SASS6: variants seen among roughly 807,000 people sequenced by gnomAD.
SASS6 encodes spindle assembly abnormal protein 6 homolog.
Under a neutral mutation model 94.9 loss-of-function variants are expected in SASS6, and 59 were observed. That is an observed-to-expected ratio of 0.62 (90% confidence interval 0.50 to 0.77). The LOEUF (loss-of-function observed/expected upper bound fraction) is 0.77, where lower values mean the gene tolerates loss of function less well. Among genes scored for constraint, SASS6 ranks in the 30% least tolerant of loss-of-function variants. SASS6 has a pLI of 0.00. For synonymous variants in SASS6, 264 were observed against 270.0 expected, an observed-to-expected ratio of 0.98 and a Z score of 0.22; for missense variants, 698 against 734.1, an observed-to-expected ratio of 0.95 and a Z score of 0.57.
intron 4 of SASS6, 126 bp from the exon 5 acceptor site, chr1:100,121,675 A>T (rs773956659): frequency 8.7e-6 from 5 of 577,446 alleles, no homozygotes; most frequent in Non-Finnish European, 1.5e-5. Flanking sequence ...CAATGGTAAA[A>T]GATAAATTGG....
In SASS6 at chr1:100,083,634, CTT is replaced by C. The variant is rs556898050; in HGVS notation, c.*1692_*1693del. ...TACAGAAATAACATTAAATGCAACACTTTTTGATTATTAACACATGTACAATT... is the reference window on the plus strand; with the variant it reads ...TACAGAAATAACATTAAATGCAACACTTTGATTATTAACACATGTACAATT... On this transcript the variant is annotated 3_prime_UTR_variant, in exon 17 of 17. Transcript: ENST00000287482. 3.9e-5 allele frequency: 6 copies of C among 152,134 alleles called. No homozygotes were observed. In the South Asian group the frequency reaches 1.2e-3, roughly 32 times the overall value. The allele number at this position is 152,134 out of a possible 1,614,324, so 9.4% of individuals were successfully genotyped here. A position where few individuals can be genotyped will look rare whatever the true frequency, so the allele number is the denominator to read the frequency against.
chr1:100,129,709 G>A (rs1654864520), intron 1 of SASS6, among the ~76,000 whole-genome samples: 1 of 152,330 alleles, frequency 6.6e-6, no homozygotes, highest in East Asian at 1.9e-4. Flanking sequence ...AGGGGTAATA[G>A]TATAGAATGA....
chr1:100,093,912 C>T (rs1228173746), intron 14 of SASS6, among the ~76,000 whole-genome samples: 1 of 151,964 alleles, frequency 6.6e-6, no homozygotes, highest in Non-Finnish European at 1.5e-5. Context: ...TAAATCAGAA[C>T]ATAATCTTCT....
intron 7 of SASS6, among the ~76,000 whole-genome samples, chr1:100,113,638 T>A (rs1188536212): frequency 5.8e-4 from 67 of 116,514 alleles, no homozygotes; most frequent in South Asian, 1.1e-3. Context: ...AAAAAGAAAA[T>A]CAAGCCAAAA....
In SASS6 at chr1:100,121,289, A is replaced by G. The variant is rs537904173; in HGVS notation, c.483+89T>C. 3.8e-5 allele frequency: 28 copies of G among 746,400 alleles called. No homozygotes were observed. The South Asian group carries it at 5.5e-4, about 15-fold the overall frequency. 46.2% of individuals were successfully genotyped at this position (746,400 alleles called of 1,614,324 possible). ...TTCATAAAACTTTATTTAGAAAACA[A>G]AAACTTATGGCAATGTATCTCTTCA... On this transcript the variant is annotated intron_variant, in intron 5 of 16. Transcript: ENST00000287482.
rs1163540411 is a variant in SASS6, at chr1:100,085,565, C to A, written c.1838G>T (p.Gly613Val). The A allele has an allele frequency of 6.2e-7, 1 of 1,613,208 alleles. No homozygotes were observed. Among genetic ancestry groups the A allele is most frequent in the East Asian group, 2.2e-5 (1 of 44,850 alleles). The part of the protein sequence containing the change: ...KKREDSIPLR[G>V]LSQNLFSNSD... The stretch of plus-strand genomic sequence containing the variant: ...ATTACTAAATAGGTTCTGGCTGAGT[C>A]CGCGTAAAGGAATGCTATCTTCCCT... The change falls in exon 16 of 17, where the codon GGA becomes GTA. Residue 613 changes from glycine (G) to valine (V), a missense_variant. Transcript: ENST00000287482.
Position 100,121,548 on chromosome 1 carries a change from A to C in SASS6, c.313T>G (p.Phe105Val), listed in dbSNP as rs1654198910. Residue 105 changes from phenylalanine to valine, a missense_variant and splice_region_variant, in exon 5 of 17, where the codon TTT becomes GTT. Transcript: ENST00000287482. ...TQEHAKEIPR[F>V]LLQLVSPAAI... Reference sequence around the variant, plus strand: ...GCTGGAGAAACTAACTGTAGCAAAAACCTTTGAAAAGAAAATGTTACATTA... The same window carrying C: ...GCTGGAGAAACTAACTGTAGCAAAACCCTTTGAAAAGAAAATGTTACATTA... 1 of 1,555,784 alleles carries C rather than the reference A, an allele frequency of 6.4e-7. No individual in the cohort carries two copies. Among genetic ancestry groups the C allele is most frequent in the African/African-American group, 1.4e-5 (1 of 72,942 alleles).
At chr1:100,122,611 G>T in intron 3 of SASS6, 127 bp from the exon 4 acceptor site, 1 of 400,066 alleles carries the variant, frequency 2.5e-6, no homozygotes, top group South Asian at 3.2e-5. Flanking sequence ...GGAGTGCAGT[G>T]GTGCAATCTT....
At position 100,086,866 on chromosome 1, in the gene SASS6, A is replaced by C. The variant is rs562862041; in HGVS notation, c.1773-1236T>G. ...TGGCCTATGATGAATTAAATATATCAAACATTATGATATTCTACCATTAAC... is the reference window on the plus strand; with the variant it reads ...TGGCCTATGATGAATTAAATATATCCAACATTATGATATTCTACCATTAAC... On this transcript the variant is annotated intron_variant, in intron 15 of 16. Coordinates refer to ENST00000287482, the MANE Select transcript of SASS6 (RefSeq NM_194292.3). Among the ~76,000 whole-genome samples the C allele has an allele frequency of 2.6e-5, 4 of 152,234 alleles. No homozygotes were observed. In the South Asian group the frequency reaches 8.3e-4, roughly 32 times the overall value.
intron 1 of SASS6, among the ~76,000 whole-genome samples, chr1:100,127,630 C>T (rs896301215): frequency 2.0e-5 from 3 of 152,192 alleles, no homozygotes; most frequent in African/African-American, 7.2e-5. Flanking sequence ...TACACTGTTG[C>T]TATTTTTCTA....
chr1:100,102,517 A>G (rs1481347507), intron 14 of SASS6, among the ~76,000 whole-genome samples: 4 of 152,076 alleles, frequency 2.6e-5, no homozygotes, highest in African/African-American at 9.7e-5. Flanking sequence ...CCTCTACTAA[A>G]ATTGCAAAAA....
chr1:100,102,397 C>T (rs564868215), intron 14 of SASS6, among the ~76,000 whole-genome samples: 2 of 152,208 alleles, frequency 1.3e-5, no homozygotes, highest in Admixed American at 1.3e-4. Context: ...GAAAGGCTGG[C>T]CGGGCGTGGT....
Position 100,107,077 on chromosome 1 carries a change from AT to A in SASS6, c.1327-85del, listed in dbSNP as rs1325685242. On this transcript the variant is annotated intron_variant, in intron 11 of 16. Coordinates refer to ENST00000287482, the MANE Select transcript of SASS6 (RefSeq NM_194292.3). ...AGAATGTATTATTATTAACTAAATA[AT>A]TACATAAATGGTTACTACTACTATT... The A allele has an allele frequency of 2.2e-5, 14 of 643,014 alleles. No homozygotes were observed. In the East Asian group the frequency reaches 3.9e-4, roughly 18 times the overall value. The allele number at this position is 643,014 out of a possible 1,614,324, so 39.8% of individuals were successfully genotyped here.
chr1:100,120,762 G>A (rs986231513), intron 5 of SASS6, among the ~76,000 whole-genome samples: 1 of 152,150 alleles, frequency 6.6e-6, no homozygotes, highest in African/African-American at 2.4e-5. Flanking sequence ...CATTAAAGAT[G>A]GGCTAGGGCC....
At chr1:100,121,893 T>C (rs900998617) in intron 4 of SASS6, among the ~76,000 whole-genome samples, 1 of 152,216 alleles carries the variant, frequency 6.6e-6, no homozygotes, top group Non-Finnish European at 1.5e-5. Context: ...AGTAATCAAA[T>C]AGCCCTAATT....
chr1:100,125,897 AT>A lies in SASS6; in HGVS notation c.110del (p.Asn37IlefsTer8). On this transcript the variant is annotated frameshift_variant, in exon 2 of 17. Coordinates refer to ENST00000287482, the MANE Select transcript of SASS6 (RefSeq NM_194292.3). LOFTEE classifies it high-confidence loss of function. ...AAATACCAACCTTTCTGTGAACTGGATTAGAAACTGATTGTAGTTCAATGCT... is the reference window on the plus strand; with the variant it reads ...AAATACCAACCTTTCTGTGAACTGGATAGAAACTGATTGTAGTTCAATGCT... ...RMSIELQSVSNPVHRKDLVIR... is the reference protein window; with the variant it reads ...RMSIELQSVSXPVHRKDLVIR... 6.5e-7 allele frequency: 1 copy of A among 1,548,674 alleles called. No individual in the cohort carries two copies. The highest frequency in any genetic ancestry group is 8.9e-7 in the Non-Finnish European group (1 of 1,129,920).
intron 1 of SASS6, among the ~76,000 whole-genome samples, chr1:100,129,312 T>C (rs1570714845): frequency 1.3e-5 from 2 of 152,170 alleles, no homozygotes; most frequent in East Asian, 3.9e-4. Flanking sequence ...ATGGTCTCTG[T>C]CCTCAAATTG....
intron 1 of SASS6, among the ~76,000 whole-genome samples, chr1:100,132,199 G>A (rs1655100853): frequency 6.6e-6 from 1 of 152,208 alleles, no homozygotes; most frequent in Non-Finnish European, 1.5e-5. Flanking sequence ...ATGAATTAAT[G>A]ACGTTTCTGC....
chr1:100,118,031 A>G (rs906987150), intron 7 of SASS6, among the ~76,000 whole-genome samples: 7 of 152,154 alleles, frequency 4.6e-5, no homozygotes, highest in African/African-American at 1.4e-4. Context: ...TTAAGAATTA[A>G]GAACGTGGCA....
Sources: allele counts gnomAD v4.1 joint callset (sites outside exome capture counted in the v4.1 genomes callset), GRCh38; gene constraint gnomAD v4.1.1; transcripts MANE v1.5; gene names NCBI Gene and HGNC (gene_info 2026-07-23, HGNC 2026-07-21).